Variants in SYTL5 observed in about 807,000 individuals in gnomAD.
The protein encoded by SYTL5 is synaptotagmin-like protein 5.
Under a neutral mutation model 55.9 loss-of-function variants are expected in SYTL5, and 34 were observed. The observed-to-expected ratio is 0.61, with a 90% CI of 0.46 to 0.81. SYTL5 has a LOEUF of 0.81. Among genes scored for constraint, SYTL5 ranks in the 30% least tolerant of loss-of-function variants. The pLI is 0.00. For synonymous variants in SYTL5, 221 were observed against 188.7 expected (o/e 1.17, Z -1.40); for missense variants, 637 against 546.7 (o/e 1.17, Z -1.65).
At chrX:37,913,403 G>A in the SYTL5 span, among the ~76,000 whole-genome samples, 2 of 112,648 alleles carry the variant, frequency 1.8e-5, no homozygotes, top group East Asian at 5.5e-4. Context: ...CCACTTACTA[G>A]CTATGTCTAT....
At chrX:37,971,099 A>G in the SYTL5 span, among the ~76,000 whole-genome samples, 2 of 106,860 alleles carry the variant, frequency 1.9e-5, no homozygotes, top group African/African-American at 6.7e-5. Context: ...CACTTTTTAA[A>G]GCCAATTAAT....
chrX:37,977,702 A>T, the SYTL5 span, among the ~76,000 whole-genome samples: 1 of 6,677 alleles, frequency 1.5e-4, no homozygotes, highest in Admixed American at 1.1e-3. Context: ...ACCAATGATC[A>T]CACACACACA....
chrX:37,912,718 C>T, the SYTL5 span, among the ~76,000 whole-genome samples: 1 of 111,946 alleles, frequency 8.9e-6, no homozygotes, highest in African/African-American at 3.2e-5. Flanking sequence ...TCTTATTTTT[C>T]CTCATAACAA....
the SYTL5 span, among the ~76,000 whole-genome samples, chrX:37,924,433 A>T: frequency 1.8e-5 from 2 of 111,810 alleles, no homozygotes; most frequent in African/African-American, 6.5e-5. Context: ...CATAGTAGGT[A>T]CCTGGAAGGT....
chrX:38,096,117 T>C lies in SYTL5; in HGVS notation c.962-17T>C. On this transcript the variant is annotated splice_polypyrimidine_tract_variant and intron_variant, in intron 8 of 16. Coordinates refer to ENST00000297875, the MANE Select transcript of SYTL5 (RefSeq NM_138780.3). The stretch of plus-strand genomic sequence containing the variant: ...ACAGGCTGACTCACGTCTTTCTTTT[T>C]CCTTTCCACCTTCCAGATCAGAGTC... 1.9e-6 allele frequency: 2 copies of C among 1,042,247 alleles called. No homozygotes were observed. Among genetic ancestry groups the C allele is most frequent in the Non-Finnish European group, 2.6e-6 (2 of 764,325 alleles). 85.9% of individuals were successfully genotyped at this position (1,042,247 alleles called of 1,213,427 possible). A position where few individuals can be genotyped will look rare whatever the true frequency, so the allele number is the denominator to read the frequency against.
the SYTL5 span, among the ~76,000 whole-genome samples, chrX:37,951,850 G>T: frequency 9.0e-6 from 1 of 111,059 alleles, no homozygotes; most frequent in African/African-American, 3.3e-5. Context: ...GGGGAGAAAT[G>T]GTCAAATTTC....
At chrX:37,967,395 G>A in the SYTL5 span, among the ~76,000 whole-genome samples, 2 of 111,511 alleles carry the variant, frequency 1.8e-5, no homozygotes, top group Admixed American at 1.9e-4. Context: ...TTTCTGGTAT[G>A]CAAAATTTTT....
upstream of SYTL5, among the ~76,000 whole-genome samples, chrX:38,005,225 C>A (rs932238583): frequency 4.5e-5 from 5 of 111,206 alleles, no homozygotes; most frequent in African/African-American, 1.6e-4. Context: ...ATGGAAATGC[C>A]AATATTAATA....
chrX:38,081,678 G>A (rs1246281347), intron 6 of SYTL5, among the ~76,000 whole-genome samples: 1 of 111,796 alleles, frequency 8.9e-6, no homozygotes, highest in Non-Finnish European at 1.9e-5. Flanking sequence ...TTGTTATTGT[G>A]GGCAACTAGA....
chrX:37,995,196 C>T, the SYTL5 span, among the ~76,000 whole-genome samples: 38,323 of 109,223 alleles, frequency 0.35, 5,297 homozygotes, highest in East Asian at 0.54. Context: ...TGTTGAATTC[C>T]CAGCCTGATG....
intron 10 of SYTL5, 48 bp downstream of exon 10, chrX:38,102,482 G>T (rs1187017464): frequency 1.1e-6 from 1 of 897,550 alleles, no homozygotes; most frequent in South Asian, 2.1e-5. Context: ...CCCTCTTTTT[G>T]ATTTTCTGTG....
At position 38,088,347 on chromosome X, in the gene SYTL5, C is replaced by T. The variant is rs182808675; in HGVS notation, c.690-1099C>T. Among the ~76,000 whole-genome samples the T allele has an allele frequency of 1.6e-4, 18 of 112,090 alleles. No homozygotes were observed. The Admixed American group carries it at 1.7e-3, about 11-fold the overall frequency. On this transcript the variant is annotated intron_variant, in intron 6 of 16. Coordinates refer to ENST00000297875, the MANE Select transcript of SYTL5 (RefSeq NM_138780.3). ...ATCACTATTAACCACTGCTGGTATG[C>T]TTTACCAATAAGATGTGTACTATTA...
At chrX:37,922,176 G>A in the SYTL5 span, among the ~76,000 whole-genome samples, 2 of 111,819 alleles carry the variant, frequency 1.8e-5, no homozygotes, top group South Asian at 7.5e-4. Context: ...AGTATTGGGT[G>A]TACAAAAACA....
intron 1 of SYTL5, 126 bp from the exon 2 acceptor site, chrX:38,033,408 G>C (rs1308082167): frequency 8.9e-6 from 1 of 112,838 alleles, no homozygotes; most frequent in African/African-American, 3.2e-5. Flanking sequence ...CATGTTTACT[G>C]TTTTAAAAAA....
the SYTL5 span, among the ~76,000 whole-genome samples, chrX:37,961,658 A>T: frequency 8.9e-6 from 1 of 112,131 alleles, no homozygotes; most frequent in Non-Finnish European, 1.9e-5. Flanking sequence ...AATAATTTAC[A>T]TGCTTTGCAT....
chrX:38,062,267 G>A (rs7889915), intron 3 of SYTL5, among the ~76,000 whole-genome samples: 9,066 of 111,475 alleles, frequency 0.081, 615 homozygotes, highest in South Asian at 0.2. Flanking sequence ...ACTGTGTCCC[G>A]CCAAAACATG....
chrX:37,972,875 G>T, the SYTL5 span, among the ~76,000 whole-genome samples: 1 of 90,726 alleles, frequency 1.1e-5, no homozygotes, highest in Non-Finnish European at 2.5e-5. Context: ...GGGATCCATA[G>T]AAAGGAATGT....
intron 3 of SYTL5, among the ~76,000 whole-genome samples, chrX:38,063,084 G>A (rs1420130600): frequency 9.4e-6 from 1 of 106,174 alleles, no homozygotes; most frequent in Non-Finnish European, 1.9e-5. Context: ...CTCATGGTAT[G>A]TGGAGTTTTT....
the SYTL5 span, among the ~76,000 whole-genome samples, chrX:37,999,498 A>G: frequency 1.8e-5 from 2 of 112,099 alleles, no homozygotes; most frequent in Non-Finnish European, 3.8e-5. Context: ...GTTACATACC[A>G]TGGTTGGGAG....
Sources: allele counts gnomAD v4.1 joint callset (sites outside exome capture counted in the v4.1 genomes callset), GRCh38; gene constraint gnomAD v4.1.1; transcripts MANE v1.5; gene names NCBI Gene and HGNC (gene_info 2026-07-23, HGNC 2026-07-21).